The following FAM193A variants were observed in gnomAD, a reference collection of about 807,000 sequenced individuals.
FAM193A encodes family with sequence similarity 193 member A.
In FAM193A, 22 loss-of-function variants were observed where a neutral mutation model predicts 126.5. The ratio of observed to expected loss-of-function variants is 0.17; its 90% CI spans 0.12 to 0.25. FAM193A has a LOEUF of 0.25. Ranked by LOEUF, FAM193A falls within the 10% of genes least tolerant of loss-of-function variation. The pLI is 1.00. For synonymous variants in FAM193A, 761 were observed against 646.8 expected (o/e 1.18, Z -2.68); for missense variants, 1,675 against 1,672.8 (o/e 1.00, Z -0.02).
intron 5 of FAM193A, among the ~76,000 whole-genome samples, chr4:2,633,629 C>T (rs575611732): frequency 1.3e-5 from 2 of 151,966 alleles, no homozygotes; most frequent in Admixed American, 6.6e-5. Flanking sequence ...TGGTGGCTTA[C>T]GGCTATAATC....
chr4:2,678,040 C>T (rs1169611168), intron 13 of FAM193A, among the ~76,000 whole-genome samples: 2 of 151,930 alleles, frequency 1.3e-5, no homozygotes, highest in Non-Finnish European at 1.5e-5. Context: ...CCTCTGTTAC[C>T]CAGGCTGGAA....
intron 2 of FAM193A, among the ~76,000 whole-genome samples, chr4:2,614,914 A>G (rs755072366): frequency 5.9e-5 from 9 of 152,226 alleles, no homozygotes; most frequent in Non-Finnish European, 8.8e-5. Context: ...TAATTTCCAT[A>G]GGATCTCTAG....
intron 2 of FAM193A, among the ~76,000 whole-genome samples, chr4:2,605,911 C>T (rs1741507747): frequency 8.9e-6 from 1 of 112,716 alleles, no homozygotes; most frequent in Non-Finnish European, 1.6e-5. Flanking sequence ...GTGGAGGTTG[C>T]AGTGAGCTGA....
At chr4:2,613,509 A>G (rs527265948) in intron 2 of FAM193A, among the ~76,000 whole-genome samples, 17 of 148,646 alleles carry the variant, frequency 1.1e-4, no homozygotes, top group Non-Finnish European at 2.2e-4. Context: ...GCCGGAGTGC[A>G]GTGGCGCGAT....
Position 2,659,848 on chromosome 4 carries a change from C to G in FAM193A, c.1539C>G (p.Leu513=), listed in dbSNP as rs1211021424. ...ACDDCSLSHI[L]TCGIMDPPVT... is the part of the protein sequence containing the mutation. ...ATGACTGCAGTCTCTCACACATCCT[C>G]ACGTGTGGTATCATGGACCCCCCCG... The change falls in exon 10 of 21, where the codon CTC becomes CTG. Residue 513 remains leucine, a synonymous_variant. Coordinates refer to ENST00000637812, the MANE Select transcript of FAM193A (RefSeq NM_001366318.2). 1.2e-6 allele frequency: 2 copies of G among 1,614,058 alleles called. No individual in the cohort carries two copies. The highest frequency in any genetic ancestry group is 1.1e-5 in the South Asian group (1 of 91,072).
rs1738810856 is a variant in FAM193A at position 2,564,454 on chromosome 4, A to G, written c.255+27284A>G. 2.6e-5 allele frequency among the ~76,000 whole-genome samples: 4 copies of G among 152,146 alleles called. 1 individual carries two copies. In the South Asian group the frequency reaches 8.3e-4, roughly 31 times the overall value. Reference sequence around the variant, plus strand: ...TGGGCTTCCATGAATGACTTCCATCACAAAAGGACAGCATTCAGCTGTGGA... The same window carrying G: ...TGGGCTTCCATGAATGACTTCCATCGCAAAAGGACAGCATTCAGCTGTGGA... On this transcript the variant is annotated intron_variant, in intron 1 of 20. Transcript: ENST00000637812.
chr4:2,721,020 TAGCC>T (rs1012690055), intron 20 of FAM193A, among the ~76,000 whole-genome samples: 1 of 151,988 alleles, frequency 6.6e-6, no homozygotes, highest in Middle Eastern at 3.2e-3. Flanking sequence ...AATTAAAAAT[TAGCC>T]AGGCGTGGGC....
chr4:2,550,771 TTTTATTTATTTATTTATTTATTTATTTA>T (rs71178475), intron 1 of FAM193A, among the ~76,000 whole-genome samples: 5 of 140,090 alleles, frequency 3.6e-5, no homozygotes, highest in Non-Finnish European at 6.1e-5. Flanking sequence ...CAATTTATAT[TTTTATTTATTTATTTATTTATTTATTTA>T]TTTATTTATT....
chr4:2,552,974 A>C (rs1738034300), intron 1 of FAM193A, among the ~76,000 whole-genome samples: 1 of 150,738 alleles, frequency 6.6e-6, no homozygotes, highest in African/African-American at 2.5e-5. Context: ...CAGTCTCTTA[A>C]GTAGCTGGGA....
At chr4:2,647,685 G>A (rs1490968479) in intron 7 of FAM193A, among the ~76,000 whole-genome samples, 1 of 152,168 alleles carries the variant, frequency 6.6e-6, no homozygotes, top group Admixed American at 6.5e-5. Flanking sequence ...CCCTCCCCCC[G>A]CTTCCCACCC....
In FAM193A at chr4:2,577,422, G is replaced by GTTTTTTTTTTTTTT. The variant is rs986931980; in HGVS notation, c.256-18661_256-18648dup. Among the ~76,000 whole-genome samples the GTTTTTTTTTTTTTT allele has an allele frequency of 5.3e-3, 612 of 115,414 alleles. 34 individuals carry two copies. Among genetic ancestry groups the GTTTTTTTTTTTTTT allele is most frequent in the East Asian group, 7.0e-3 (27 of 3,878 alleles). 75.7% of individuals were successfully genotyped at this position (115,414 alleles called of 152,430 possible). A position where few individuals can be genotyped will look rare whatever the true frequency, so the allele number is the denominator to read the frequency against. On this transcript the variant is annotated intron_variant, in intron 1 of 20. Transcript: ENST00000637812. ...ACTCAATTAAAGTGGTTTTTTTTTT[G>GTTTTTTTTTTTTTT]TTTTTTTTTTTTTTGAGACAGAGTC...
At chr4:2,651,053 C>T (rs560070677) in intron 7 of FAM193A, among the ~76,000 whole-genome samples, 6 of 152,186 alleles carry the variant, frequency 3.9e-5, no homozygotes, top group East Asian at 3.9e-4. Flanking sequence ...TACCTGAGAC[C>T]GGGCTTGATA....
intron 1 of FAM193A, among the ~76,000 whole-genome samples, chr4:2,537,376 G>T (rs933098502): frequency 3.3e-5 from 5 of 152,204 alleles, no homozygotes; most frequent in Non-Finnish European, 5.9e-5. Context: ...CGCGGCCTCT[G>T]TCAGCCTCTT....
At chr4:2,592,515 G>A (rs547808236) in intron 1 of FAM193A, among the ~76,000 whole-genome samples, 1 of 152,316 alleles carries the variant, frequency 6.6e-6, no homozygotes, top group South Asian at 2.1e-4. Context: ...AATGTACCAA[G>A]TAGTAGTTTT....
intron 17 of FAM193A, 46 bp downstream of exon 17, chr4:2,695,175 A>T: frequency 6.7e-7 from 1 of 1,482,392 alleles, no homozygotes; most frequent in South Asian, 1.4e-5. Context: ...AGTGTGCAAC[A>T]CACGGGCTCC....
At chr4:2,612,577 G>T (rs527558152) in intron 2 of FAM193A, among the ~76,000 whole-genome samples, 1 of 152,080 alleles carries the variant, frequency 6.6e-6, no homozygotes, top group Non-Finnish European at 1.5e-5. Context: ...ATACATTTAG[G>T]TCTATGAGCC....
intron 1 of FAM193A, among the ~76,000 whole-genome samples, chr4:2,554,680 CT>C (rs1738153102): frequency 1.3e-5 from 2 of 152,038 alleles, no homozygotes; most frequent in Non-Finnish European, 2.9e-5. Context: ...ATGTTGAAGT[CT>C]CTGCCTAAAA....
chr4:2,580,926 T>G (rs535854692), intron 1 of FAM193A, among the ~76,000 whole-genome samples: 83 of 152,242 alleles, frequency 5.5e-4, no homozygotes, highest in South Asian at 1.9e-3. Context: ...TCAGGAGATC[T>G]AGACCATCCT....
chr4:2,693,997 G>A, intron 16 of FAM193A, 123 bp downstream of exon 16: 1 of 1,034,272 alleles, frequency 9.7e-7, no homozygotes. Context: ...AATGCCGAGG[G>A]AATGCAGGGA....
Sources: allele counts gnomAD v4.1 joint callset (sites outside exome capture counted in the v4.1 genomes callset), GRCh38; gene constraint gnomAD v4.1.1; transcripts MANE v1.5; gene names NCBI Gene and HGNC (gene_info 2026-07-23, HGNC 2026-07-21).